Variants in MAPK8 observed in about 807,000 individuals in gnomAD.
MAPK8 encodes JUN N-terminal kinase.
Under a neutral mutation model 52.9 loss-of-function variants are expected in MAPK8, and 13 were observed. That is an observed-to-expected ratio of 0.25 (90% CI 0.16 to 0.39). The LOEUF (loss-of-function observed/expected upper bound fraction) is 0.39. MAPK8 is among the 10% of genes least tolerant of loss of function. MAPK8 has a pLI of 1.00. For synonymous variants in MAPK8, 191 were observed against 169.8 expected, an observed-to-expected ratio of 1.12 and a Z score of -0.97; for missense variants, 300 against 519.2, an observed-to-expected ratio of 0.58 and a Z score of 4.10.
At chr10:48,411,316 T>G (rs1564600091) in intron 5 of MAPK8, among the ~76,000 whole-genome samples, 1 of 152,212 alleles carries the variant, frequency 6.6e-6, no homozygotes, top group Non-Finnish European at 1.5e-5. Context: ...AGGTTCCAAC[T>G]TCATTCTTTT....
At chr10:48,391,728 A>G (rs2041635789) in intron 1 of MAPK8, among the ~76,000 whole-genome samples, 1 of 152,164 alleles carries the variant, frequency 6.6e-6, no homozygotes, top group Non-Finnish European at 1.5e-5. Flanking sequence ...TCGAGGGCCC[A>G]GTCCCCTCCC....
chr10:48,388,216 G>A (rs1397869532), intron 1 of MAPK8, among the ~76,000 whole-genome samples: 1 of 152,142 alleles, frequency 6.6e-6, no homozygotes, highest in African/African-American at 2.4e-5. Flanking sequence ...TTTGTTGTGG[G>A]AATTTCAGGA....
At chr10:48,344,795 AT>A (rs1402807484) in intron 1 of MAPK8, among the ~76,000 whole-genome samples, 4 of 152,210 alleles carry the variant, frequency 2.6e-5, no homozygotes, top group Non-Finnish European at 5.9e-5. Flanking sequence ...TATAATTAGA[AT>A]TACAAAGAGA....
chr10:48,323,489 A>G (rs1843187378), intron 1 of MAPK8, among the ~76,000 whole-genome samples: 1 of 152,220 alleles, frequency 6.6e-6, no homozygotes, highest in African/African-American at 2.4e-5. Context: ...GTAGTATGTA[A>G]GGGATTGCAG....
At chr10:48,391,083 A>G (rs1254610363) in intron 1 of MAPK8, among the ~76,000 whole-genome samples, 2 of 152,180 alleles carry the variant, frequency 1.3e-5, no homozygotes, top group Admixed American at 6.5e-5. Flanking sequence ...AAAATATTTC[A>G]TGAAAGGGAA....
chr10:48,340,381 T>C (rs1394421390), intron 1 of MAPK8, among the ~76,000 whole-genome samples: 2 of 152,092 alleles, frequency 1.3e-5, no homozygotes, highest in South Asian at 2.1e-4. Flanking sequence ...CAGTAGACAC[T>C]AGTGACTCCA....
chr10:48,424,438 T>C lies in MAPK8; in HGVS notation c.688+279T>C, dbSNP rs983724799. 1.1e-5 allele frequency: 10 copies of C among 934,948 alleles called. No individual in the cohort carries two copies. In the African/African-American group the frequency reaches 1.5e-4, roughly 14 times the overall value. The allele number at this position is 934,948 out of a possible 1,614,324, so 57.9% of individuals were successfully genotyped here. ...ATAATTTTAAAGTATACATGGTGTG[T>C]GTGATTTTATTTCTTTCTTTTTTTT... is the stretch of plus-strand genomic sequence containing the variant. On this transcript the variant is annotated intron_variant, in intron 7 of 11. Coordinates refer to ENST00000374189, the MANE Select transcript of MAPK8 (RefSeq NM_001323329.2).
At chr10:48,397,115 G>T (rs1014897656) in intron 1 of MAPK8, among the ~76,000 whole-genome samples, 1 of 150,966 alleles carries the variant, frequency 6.6e-6, no homozygotes, top group Non-Finnish European at 1.5e-5. Flanking sequence ...GATTTCAAAA[G>T]ATTTAAAAGA....
intron 1 of MAPK8, among the ~76,000 whole-genome samples, chr10:48,395,161 G>T (rs187863936): frequency 6.6e-4 from 100 of 151,964 alleles, no homozygotes; most frequent in African/African-American, 2.4e-3. Flanking sequence ...GACAAGCTTA[G>T]TTCTGATATT....
At chr10:48,356,999 G>A (rs1158726971) in intron 1 of MAPK8, among the ~76,000 whole-genome samples, 1 of 151,160 alleles carries the variant, frequency 6.6e-6, no homozygotes, top group Admixed American at 6.6e-5. Context: ...GCAAAAATCG[G>A]ATTGTTTTTT....
intron 1 of MAPK8, among the ~76,000 whole-genome samples, chr10:48,382,400 T>C (rs2041053672): frequency 1.3e-5 from 2 of 152,326 alleles, no homozygotes; most frequent in East Asian, 3.9e-4. Flanking sequence ...GTCAGTTTGG[T>C]ACCATGTAAA....
intron 6 of MAPK8, among the ~76,000 whole-genome samples, chr10:48,423,823 G>T (rs997364115): frequency 2.6e-5 from 4 of 151,998 alleles, no homozygotes; most frequent in Non-Finnish European, 5.9e-5. Flanking sequence ...AACATGCAGG[G>T]TTTTTCTATT....
Position 48,419,787 on chromosome 10 carries a change from ATATGT to A in MAPK8, c.451-363_451-359del, listed in dbSNP as rs957664621. On this transcript the variant is annotated intron_variant, in intron 5 of 11. Transcript: ENST00000374189. ...AAATGAGATTTTAAAAATATTGGTA[ATATGT>A]TATGCAAATGAATATAAATGCTAAC... Among the ~76,000 whole-genome samples the A allele has an allele frequency of 9.8e-5, 15 of 152,334 alleles. 1 individual carries two copies. The South Asian group carries it at 2.3e-3, about 23-fold the overall frequency.
intron 10 of MAPK8, chr10:48,430,887 G>T: frequency 2.5e-6 from 1 of 394,528 alleles, no homozygotes; most frequent in Non-Finnish European, 4.6e-6. Context: ...GGTATGATGT[G>T]CTGTAGCACA....
chr10:48,337,658 GAA>G (rs918239557), intron 1 of MAPK8, among the ~76,000 whole-genome samples: 70 of 152,156 alleles, frequency 4.6e-4, no homozygotes, highest in African/African-American at 1.6e-3. Context: ...CAACAAAACG[GAA>G]AGTTCTGTTT....
intron 1 of MAPK8, among the ~76,000 whole-genome samples, chr10:48,351,416 G>T (rs1320893436): frequency 6.6e-6 from 1 of 151,498 alleles, no homozygotes; most frequent in East Asian, 2.0e-4. Flanking sequence ...TCGCTATGGT[G>T]CCCAGGCTGG....
intron 1 of MAPK8, among the ~76,000 whole-genome samples, chr10:48,395,729 T>C (rs1382032259): frequency 6.6e-6 from 1 of 152,018 alleles, no homozygotes; most frequent in Non-Finnish European, 1.5e-5. Flanking sequence ...CACTAGATTC[T>C]AACTAAGACG....
chr10:48,434,622 T>A (rs887563641), intron 11 of MAPK8, among the ~76,000 whole-genome samples: 2 of 152,196 alleles, frequency 1.3e-5, no homozygotes, highest in African/African-American at 4.8e-5. Flanking sequence ...GGTTCAGATG[T>A]AAAATTCTTG....
rs73293160 is a variant in MAPK8 at position 48,324,250 on chromosome 10, A to G, written c.-50+17429A>G. ...CCCCAAAAGGTCAGTTTGTGCTGCA[A>G]CCAGGTACTGTGATTTCTCACCTAG... is the stretch of plus-strand genomic sequence containing the variant. On this transcript the variant is annotated intron_variant, in intron 1 of 11. Transcript: ENST00000374189. Among the ~76,000 whole-genome samples, 504 of 152,340 alleles carry G rather than the reference A, an allele frequency of 3.3e-3. 4 individuals are homozygous for G. Among genetic ancestry groups the G allele is most frequent in the African/African-American group, 0.012 (492 of 41,582 alleles).
Sources: allele counts gnomAD v4.1 joint callset (sites outside exome capture counted in the v4.1 genomes callset), GRCh38; gene constraint gnomAD v4.1.1; transcripts MANE v1.5; gene names NCBI Gene and HGNC (gene_info 2026-07-23, HGNC 2026-07-21).